EPB41L4A: variants seen among roughly 807,000 people sequenced by gnomAD.
The protein encoded by EPB41L4A is erythrocyte membrane protein band 4.1 like 4A.
A neutral mutation model predicts 108.6 loss-of-function variants in EPB41L4A; 100 were observed. The ratio of observed to expected loss-of-function variants is 0.92; its 90% CI spans 0.78 to 1.09. The LOEUF is 1.09. Ranked by LOEUF, EPB41L4A falls within the 50% of genes least tolerant of loss-of-function variation. The probability of loss-of-function intolerance (pLI) is 0.00; values close to 1 mark genes in which losing one functional copy is unlikely to be tolerated. For synonymous variants in EPB41L4A, 319 were observed against 289.0 expected (o/e 1.10, Z -1.05); for missense variants, 1,030 against 842.7 (o/e 1.22, Z -2.75).
At chr5:112,209,214 T>C (rs1455745865) in intron 13 of EPB41L4A, among the ~76,000 whole-genome samples, 1 of 152,238 alleles carries the variant, frequency 6.6e-6, no homozygotes, top group African/African-American at 2.4e-5. Context: ...GCAACCCCTA[T>C]AGAGAAAGTG....
intron 11 of EPB41L4A, 91 bp from the exon 12 acceptor site, chr5:112,234,846 A>C (rs1749215948): frequency 7.2e-7 from 1 of 1,389,552 alleles, no homozygotes; most frequent in East Asian, 2.4e-5. Context: ...CCAAATATGG[A>C]GAGAAGAAAA....
intron 1 of EPB41L4A, among the ~76,000 whole-genome samples, chr5:112,396,766 C>T (rs923506811): frequency 6.6e-6 from 1 of 152,188 alleles, no homozygotes; most frequent in Admixed American, 6.5e-5. Context: ...AGAGACACCA[C>T]CGTGCCTTGT....
At chr5:112,379,766 A>C (rs893948117) in intron 1 of EPB41L4A, among the ~76,000 whole-genome samples, 5 of 152,186 alleles carry the variant, frequency 3.3e-5, no homozygotes, top group African/African-American at 1.2e-4. Context: ...GGCACAATAC[A>C]TTCCCTAGCA....
At chr5:112,348,832 C>T (rs1423605028) in intron 1 of EPB41L4A, among the ~76,000 whole-genome samples, 1 of 152,164 alleles carries the variant, frequency 6.6e-6, no homozygotes, top group African/African-American at 2.4e-5. Context: ...CACTAGAGCC[C>T]ATCCCATTCA....
chr5:112,318,211 A>G lies in EPB41L4A; in HGVS notation c.100-10721T>C, dbSNP rs139066119. Among the ~76,000 whole-genome samples, 20 of 152,314 alleles carry G rather than the reference A, an allele frequency of 1.3e-4. No homozygotes were observed. In the East Asian group the frequency reaches 2.7e-3, roughly 21 times the overall value. ...CTCTTTTTTTCCTACCAATTTTGAT[A>G]GGAGTTCACAAAAATCCTGTCAGCA... On this transcript the variant is annotated intron_variant, in intron 1 of 22. Coordinates refer to ENST00000261486, the MANE Select transcript of EPB41L4A (RefSeq NM_022140.5).
chr5:112,361,713 T>A (rs111662822), intron 1 of EPB41L4A, among the ~76,000 whole-genome samples: 14,984 of 117,702 alleles, frequency 0.13, 955 homozygotes, highest in Non-Finnish European at 0.18. Context: ...TAAAAAAAAA[T>A]AATAATAATA....
chr5:112,371,091 T>A (rs1390681276), intron 1 of EPB41L4A, among the ~76,000 whole-genome samples: 1 of 152,218 alleles, frequency 6.6e-6, no homozygotes, highest in Non-Finnish European at 1.5e-5. Context: ...TCCCATATTA[T>A]ATAATTTCTG....
Position 112,264,908 on chromosome 5 carries a change from T to A in EPB41L4A, c.542A>T (p.His181Leu). ...TAATGATTCTTACATTAGAGTTTTA[T>A]GAATCCTTTCTATGGCTTCTTCAAG... is the stretch of plus-strand genomic sequence containing the variant. ...EELEEAIERIHKTLMGQIPSE... is the reference protein window; with the variant it reads ...EELEEAIERILKTLMGQIPSE... Residue 181 changes from histidine (H) to leucine (L), a missense_variant, in exon 6 of 23, where the codon CAT (histidine) becomes CTT (leucine). By Grantham distance (99) the His-to-Leu change is moderately conservative. Transcript: ENST00000261486. 6.2e-7 allele frequency: 1 copy of A among 1,611,992 alleles called. No homozygotes were observed. Among genetic ancestry groups the A allele is most frequent in the Non-Finnish European group, 8.5e-7 (1 of 1,179,348 alleles).
At chr5:112,314,624 T>C (rs1396182264) in intron 1 of EPB41L4A, among the ~76,000 whole-genome samples, 1 of 147,676 alleles carries the variant, frequency 6.8e-6, no homozygotes, top group Non-Finnish European at 1.5e-5. Context: ...CTGGCTAACA[T>C]GGTGAAACCC....
intron 1 of EPB41L4A, among the ~76,000 whole-genome samples, chr5:112,390,847 C>G (rs2112668943): frequency 6.6e-6 from 1 of 152,292 alleles, no homozygotes; most frequent in East Asian, 1.9e-4. Context: ...ACAAAGCTTC[C>G]AGAGGAAAGA....
chr5:112,239,796 AC>A, intron 10 of EPB41L4A, 59 bp from the exon 11 acceptor site: 2 of 1,146,366 alleles, frequency 1.7e-6, no homozygotes, highest in Admixed American at 2.1e-5. Context: ...ATTCTGGGCC[AC>A]CCCCTTCTCC....
intron 12 of EPB41L4A, among the ~76,000 whole-genome samples, chr5:112,229,879 T>C (rs1748744861): frequency 6.6e-6 from 1 of 151,634 alleles, no homozygotes. Flanking sequence ...TCCCAGCTAC[T>C]TGGGAGGCTG....
chr5:112,338,211 A>G lies in EPB41L4A; in HGVS notation c.100-30721T>C, dbSNP rs116105902. Among the ~76,000 whole-genome samples, 417 of 152,274 alleles carry G rather than the reference A, an allele frequency of 2.7e-3. 2 individuals are homozygous for G. The highest frequency in any genetic ancestry group is 9.1e-3 in the African/African-American group (378 of 41,542). On this transcript the variant is annotated intron_variant, in intron 1 of 22. Coordinates refer to ENST00000261486, the MANE Select transcript of EPB41L4A (RefSeq NM_022140.5). ...TGACTTTACTAATCTCAGTCTTCTC[A>G]CACCCCTGAGTATCCCATCTCATCT... is the stretch of plus-strand genomic sequence containing the variant.
rs1760063764 is a variant in EPB41L4A, at chr5:112,163,791, CTTAAA to C, written c.*1194_*1198del. The stretch of plus-strand genomic sequence containing the variant: ...AAAGATAGTTTTGTTTAATCTTAGT[CTTAAA>C]TTTAAAACCAAGTAGCAAGGATCTA... On this transcript the variant is annotated 3_prime_UTR_variant, in exon 23 of 23. Transcript: ENST00000261486. 1 of 152,040 alleles carries C rather than the reference CTTAAA, an allele frequency of 6.6e-6. No individual in the cohort carries two copies. The highest frequency in any genetic ancestry group is 2.4e-5 in the African/African-American group (1 of 41,370). The allele number at this position is 152,040 out of a possible 1,614,324, so 9.4% of individuals were successfully genotyped here.
intron 1 of EPB41L4A, among the ~76,000 whole-genome samples, chr5:112,339,528 C>CTATATCTATATA: frequency 3.9e-5 from 1 of 25,468 alleles, no homozygotes; most frequent in African/African-American, 8.2e-5. Context: ...AGATATATAT[C>CTATATCTATATA]TATATATATA....
chr5:112,267,793 A>G (rs984966134), intron 4 of EPB41L4A, among the ~76,000 whole-genome samples: 6 of 152,042 alleles, frequency 3.9e-5, no homozygotes, highest in African/African-American at 1.2e-4. Flanking sequence ...AAAAAAAAAC[A>G]ACAACAACCC....
intron 1 of EPB41L4A, among the ~76,000 whole-genome samples, chr5:112,359,437 G>A (rs543119005): frequency 6.6e-6 from 1 of 152,066 alleles, no homozygotes; most frequent in African/African-American, 2.4e-5. Context: ...CTCCCCCTAA[G>A]GTTAATATGG....
At position 112,345,040 on chromosome 5, in the gene EPB41L4A, C is replaced by A. The variant is rs144779608; in HGVS notation, c.100-37550G>T. 2.0e-3 allele frequency among the ~76,000 whole-genome samples: 299 copies of A among 152,296 alleles called. 1 individual carries two copies. Among genetic ancestry groups the A allele is most frequent in the African/African-American group, 6.7e-3 (279 of 41,560 alleles). On this transcript the variant is annotated intron_variant, in intron 1 of 22. Coordinates refer to ENST00000261486, the MANE Select transcript of EPB41L4A (RefSeq NM_022140.5). ...TATAATCTTATTTTGCCAAAATTTA[C>A]AATTCCTGAGACACAAGGCACTCAC...
chr5:112,318,188 C>CT (rs147187863), intron 1 of EPB41L4A, among the ~76,000 whole-genome samples: 2 of 152,112 alleles, frequency 1.3e-5, no homozygotes, highest in African/African-American at 4.8e-5. Context: ...CTTGCCTTCT[C>CT]TTTTTTTCCT....
Sources: allele counts gnomAD v4.1 joint callset (sites outside exome capture counted in the v4.1 genomes callset), GRCh38; gene constraint gnomAD v4.1.1; transcripts MANE v1.5; gene names NCBI Gene and HGNC (gene_info 2026-07-23, HGNC 2026-07-21).